MYPN: variants seen among roughly 807,000 people sequenced by gnomAD.
The protein encoded by MYPN is sarcomeric protein myopalladin, 145 kDa (MYOP).
A neutral mutation model predicts 129.4 loss-of-function variants in MYPN; 63 were observed. That is an observed-to-expected ratio of 0.49 (90% CI 0.40 to 0.60). The LOEUF is 0.60. Among genes scored for constraint, MYPN ranks in the 20% least tolerant of loss-of-function variants. The pLI is 0.00. For synonymous variants in MYPN, 629 were observed against 600.9 expected (o/e 1.05, Z -0.68); for missense variants, 1,596 against 1,635.4 (o/e 0.98, Z 0.42).
chr10:68,097,803 C>A (rs1417213316), intron 1 of MYPN, among the ~76,000 whole-genome samples: 2 of 151,338 alleles, frequency 1.3e-5, no homozygotes, highest in East Asian at 1.9e-4. Flanking sequence ...CGTGTCCAAA[C>A]CAAATGGGGC....
chr10:68,148,331 C>T, intron 4 of MYPN, 22 bp from the exon 5 acceptor site: 2 of 1,555,606 alleles, frequency 1.3e-6, no homozygotes, highest in Non-Finnish European at 1.8e-6. Context: ...ATTTTATAAT[C>T]TATATTTTAA....
chr10:68,166,774 A>G, intron 10 of MYPN, 108 bp downstream of exon 10: 1 of 1,454,064 alleles, frequency 6.9e-7, no homozygotes, highest in South Asian at 1.2e-5. Flanking sequence ...CACACCTGTA[A>G]TCCGAGCACT....
chr10:68,125,440 T>G (rs2042310652), intron 2 of MYPN, among the ~76,000 whole-genome samples: 1 of 152,180 alleles, frequency 6.6e-6, no homozygotes, highest in Non-Finnish European at 1.5e-5. Context: ...ATTAGAATTG[T>G]CCGAGTAGAC....
intron 8 of MYPN, chr10:68,165,454 A>G (rs564713194): frequency 3.6e-6 from 2 of 556,602 alleles, no homozygotes; most frequent in Admixed American, 4.4e-5. Flanking sequence ...TCCACCTAAA[A>G]AAACAAAAAA....
rs1402142548 is a variant in MYPN at position 68,211,318 on chromosome 10, A to G, written c.*863A>G. The G allele has an allele frequency of 2.2e-6, 1 of 454,120 alleles. No individual in the cohort carries two copies. Among genetic ancestry groups the G allele is most frequent in the Non-Finnish European group, 4.4e-6 (1 of 226,796 alleles). The allele number at this position is 454,120 out of a possible 1,614,324, so 28.1% of individuals were successfully genotyped here. A position where few individuals can be genotyped will look rare whatever the true frequency, so the allele number is the denominator to read the frequency against. On this transcript the variant is annotated 3_prime_UTR_variant, in exon 20 of 20. Transcript: ENST00000358913. Reference sequence around the variant, plus strand: ...AATGTGCAAGAGTCATCATTTGCCCATAAAATACACCTCATGGGCTCCTAC... The same window carrying G: ...AATGTGCAAGAGTCATCATTTGCCCGTAAAATACACCTCATGGGCTCCTAC...
chr10:68,175,634 G>T (rs1197290802), intron 12 of MYPN, among the ~76,000 whole-genome samples, 173 bp downstream of exon 12: 1 of 152,022 alleles, frequency 6.6e-6, no homozygotes, highest in Non-Finnish European at 1.5e-5. Flanking sequence ...GTGGATCTGC[G>T]GTTCGTAATT....
chr10:68,196,269 A>G (rs959384754), intron 15 of MYPN, among the ~76,000 whole-genome samples: 2 of 152,204 alleles, frequency 1.3e-5, no homozygotes, highest in Non-Finnish European at 2.9e-5. Flanking sequence ...TGTCTCCAAT[A>G]CAACAACTGG....
intron 18 of MYPN, 97 bp downstream of exon 18, chr10:68,202,091 A>G: frequency 7.3e-7 from 1 of 1,368,348 alleles, no homozygotes; most frequent in Non-Finnish European, 1.0e-6. Flanking sequence ...GGCTTACTTC[A>G]TTTAGAATAA....
intron 1 of MYPN, among the ~76,000 whole-genome samples, chr10:68,112,121 G>A (rs1408410825): frequency 6.6e-6 from 1 of 152,208 alleles, no homozygotes; most frequent in African/African-American, 2.4e-5. Flanking sequence ...GATCTTGAGA[G>A]TGATATAAAA....
chr10:68,182,404 C>CAT (rs1273400819), intron 12 of MYPN, among the ~76,000 whole-genome samples: 9 of 83,338 alleles, frequency 1.1e-4, no homozygotes, highest in Non-Finnish European at 1.9e-4. Flanking sequence ...ATATATATAA[C>CAT]ACATATATAT....
chr10:68,092,738 T>C (rs2041936779), intron 1 of MYPN, among the ~76,000 whole-genome samples: 1 of 152,220 alleles, frequency 6.6e-6, no homozygotes, highest in Non-Finnish European at 1.5e-5. Flanking sequence ...ATTTTATGTG[T>C]CATGTTTAAG....
intron 12 of MYPN, among the ~76,000 whole-genome samples, chr10:68,186,338 A>C (rs1229148412): frequency 6.6e-6 from 1 of 152,174 alleles, no homozygotes; most frequent in Non-Finnish European, 1.5e-5. Context: ...ATTCTATCCA[A>C]ATTCAGATGA....
At chr10:68,106,966 A>G (rs2042019452), upstream of MYPN, among the ~76,000 whole-genome samples, 1 of 152,232 alleles carries the variant, frequency 6.6e-6, no homozygotes, top group Non-Finnish European at 1.5e-5. Context: ...TTGCCACTTA[A>G]CAAAGTTTGT....
intron 18 of MYPN, among the ~76,000 whole-genome samples, chr10:68,202,890 C>T (rs2043742535): frequency 6.6e-6 from 1 of 151,926 alleles, no homozygotes; most frequent in Admixed American, 6.6e-5. Flanking sequence ...TGGGGGTGTG[C>T]ATTTTTCTAC....
intron 8 of MYPN, among the ~76,000 whole-genome samples, chr10:68,164,562 T>G (rs1564673868): frequency 6.6e-6 from 1 of 152,260 alleles, no homozygotes; most frequent in Non-Finnish European, 1.5e-5. Context: ...CATGAAGCAC[T>G]GAGATGCCTG....
intron 13 of MYPN, among the ~76,000 whole-genome samples, chr10:68,192,023 G>A (rs555878141): frequency 6.6e-6 from 1 of 152,172 alleles, no homozygotes; most frequent in Non-Finnish European, 1.5e-5. Flanking sequence ...CTCTGGCCAG[G>A]ACTTTTAGGG....
Position 68,195,476 on chromosome 10 carries a change from G to C in MYPN, c.3102G>C (p.Leu1034Phe). 6.2e-7 allele frequency: 1 copy of C among 1,614,026 alleles called. No individual in the cohort carries two copies. The highest frequency in any genetic ancestry group is 8.5e-7 in the Non-Finnish European group (1 of 1,179,942). ...PQGRISCSGHLMVQSLPIRSR... is the reference protein window; with the variant it reads ...PQGRISCSGHFMVQSLPIRSR... The stretch of plus-strand genomic sequence containing the variant: ...GGAGAATCAGCTGTTCTGGCCACTT[G>C]ATGGTACAAAGTTTGCCCATTCGCA... Residue 1034 changes from leucine to phenylalanine, a missense_variant, in exon 15 of 20, where the codon TTG (leucine) becomes TTC (phenylalanine). Transcript: ENST00000358913.
At chr10:68,186,173 C>T (rs185883742) in intron 12 of MYPN, among the ~76,000 whole-genome samples, 3 of 152,266 alleles carry the variant, frequency 2.0e-5, no homozygotes, top group Admixed American at 2.0e-4. Context: ...AATTAATAAG[C>T]TTTGCTGGAT....
chr10:68,196,354 G>A lies in MYPN; in HGVS notation c.3158+822G>A, dbSNP rs534416375. 5.3e-4 allele frequency among the ~76,000 whole-genome samples: 81 copies of A among 152,176 alleles called. 1 individual carries two copies. Among genetic ancestry groups the A allele is most frequent in the African/African-American group, 1.6e-3 (67 of 41,544 alleles). The stretch of plus-strand genomic sequence containing the variant: ...TTCCACCTGAATCTTACGGTGCCAC[G>A]AAGTCTTAGCAAAGCATTCCATAGC... On this transcript the variant is annotated intron_variant, in intron 15 of 19. Coordinates refer to ENST00000358913, the MANE Select transcript of MYPN (RefSeq NM_032578.4).
Sources: gnomAD v4.1 joint callset for allele counts (sites outside exome capture counted in the v4.1 genomes callset) on GRCh38, gnomAD v4.1.1 for gene constraint, MANE v1.5 for transcripts, NCBI Gene and HGNC (gene_info 2026-07-23, HGNC 2026-07-21) for gene names.